NCOA1: variants seen among roughly 807,000 people sequenced by gnomAD.
NCOA1 encodes Hin-2 protein.
Under a neutral mutation model 150.9 loss-of-function variants are expected in NCOA1, and 35 were observed. The observed-to-expected ratio is 0.23, with a 90% CI of 0.18 to 0.31. NCOA1 has a LOEUF of 0.31. Ranked by LOEUF, NCOA1 falls within the 10% of genes least tolerant of loss-of-function variation. NCOA1 has a pLI of 1.00. For synonymous variants in NCOA1, 590 were observed against 630.0 expected (o/e 0.94, Z 0.95); for missense variants, 1,491 against 1,749.3 (o/e 0.85, Z 2.63).
intron 1 of NCOA1, among the ~76,000 whole-genome samples, chr2:24,559,268 G>A (rs943518606): frequency 1.3e-5 from 2 of 152,122 alleles, no homozygotes; most frequent in Non-Finnish European, 2.9e-5. Flanking sequence ...CAAGAGTTGA[G>A]CTGATTTTGG....
At chr2:24,660,323 A>G (rs181941268) in intron 5 of NCOA1, among the ~76,000 whole-genome samples, 67 of 152,122 alleles carry the variant, frequency 4.4e-4, no homozygotes, top group Non-Finnish European at 6.2e-4. Flanking sequence ...ATACAACAGA[A>G]TGTAATTGAT....
chr2:24,597,953 G>C (rs534452311), intron 3 of NCOA1, among the ~76,000 whole-genome samples: 3 of 151,902 alleles, frequency 2.0e-5, no homozygotes, highest in African/African-American at 7.2e-5. Flanking sequence ...AACAGGCCCC[G>C]GTGTGTGATG....
At chr2:24,651,724 G>T (rs2148478672) in intron 4 of NCOA1, among the ~76,000 whole-genome samples, 1 of 152,132 alleles carries the variant, frequency 6.6e-6, no homozygotes, top group Admixed American at 6.5e-5. Flanking sequence ...AGGCAAAGGA[G>T]CTGAATAGAC....
chr2:24,607,413 C>T (rs1031976472), intron 3 of NCOA1, among the ~76,000 whole-genome samples: 9 of 151,832 alleles, frequency 5.9e-5, no homozygotes, highest in African/African-American at 1.5e-4. Flanking sequence ...ATTGGCTGGG[C>T]GCACGGTGGC....
Position 24,576,152 on chromosome 2 carries a change from T to TTTTTTTG in NCOA1, c.-259-8318_-259-8317insGTTTTTT, listed in dbSNP as rs1558806417. 1.1e-3 allele frequency among the ~76,000 whole-genome samples: 107 copies of TTTTTTTG among 96,038 alleles called. 2 individuals carry two copies. Among genetic ancestry groups the TTTTTTTG allele is most frequent in the Non-Finnish European group, 1.7e-3 (77 of 46,472 alleles). The allele number at this position is 96,038 out of a possible 152,430, so 63.0% of individuals were successfully genotyped here. A position where few individuals can be genotyped will look rare whatever the true frequency, so the allele number is the denominator to read the frequency against. The stretch of plus-strand genomic sequence containing the variant: ...TTTCAGAAATTATTTGGCCTTTGTT[T>TTTTTTTG]TTTTTTTTTTGTTTTTTGTTTTTTT... On this transcript the variant is annotated intron_variant, in intron 2 of 22. Coordinates refer to ENST00000348332, the MANE Select transcript of NCOA1 (RefSeq NM_003743.5).
intron 1 of NCOA1, among the ~76,000 whole-genome samples, chr2:24,513,123 A>G (rs1664006418): frequency 6.6e-6 from 1 of 152,190 alleles, no homozygotes; most frequent in African/African-American, 2.4e-5. Context: ...GATAGGAAAT[A>G]TTTCAAACAT....
chr2:24,535,027 C>T (rs1015797024), intron 1 of NCOA1, among the ~76,000 whole-genome samples: 1 of 152,168 alleles, frequency 6.6e-6, no homozygotes, highest in African/African-American at 2.4e-5. Flanking sequence ...TCTTATTGAT[C>T]TGTCTAATAT....
At chr2:24,643,579 G>A (rs1670330609) in intron 3 of NCOA1, among the ~76,000 whole-genome samples, 1 of 152,054 alleles carries the variant, frequency 6.6e-6, no homozygotes, top group Non-Finnish European at 1.5e-5. Context: ...AATATTATAG[G>A]AGTATTACAT....
At position 24,665,752 on chromosome 2, in the gene NCOA1, G is replaced by A. The variant is rs185518589; in HGVS notation, c.93G>A (p.Thr31=). 87 of 1,556,196 alleles carry A rather than the reference G, an allele frequency of 5.6e-5. No homozygotes were observed. The Admixed American group carries it at 6.3e-4, about 11-fold the overall frequency. The change falls in exon 6 of 23, where the codon ACG becomes ACA. Residue 31 remains threonine, a synonymous_variant. Transcript: ENST00000348332. ...CTGGATTTTCTTTGTGTAACAGCACGGAAAAGAGGCGCAGGGAGCAAGAAA... is the reference window on the plus strand; with the variant it reads ...CTGGATTTTCTTTGTGTAACAGCACAGAAAAGAGGCGCAGGGAGCAAGAAA... ...GSPCDTLASS[T]EKRRREQENK...
chr2:24,539,967 TGA>T (rs1437421157), intron 1 of NCOA1, among the ~76,000 whole-genome samples: 2 of 152,160 alleles, frequency 1.3e-5, no homozygotes, highest in African/African-American at 4.8e-5. Flanking sequence ...CCTGAGTCTA[TGA>T]GAGTAGGAAG....
intron 2 of NCOA1, among the ~76,000 whole-genome samples, chr2:24,572,085 T>A (rs1666765418): frequency 6.6e-6 from 1 of 152,214 alleles, no homozygotes; most frequent in Admixed American, 6.5e-5. Context: ...TAGCACATAA[T>A]ATGTATCTAG....
intron 19 of NCOA1, among the ~76,000 whole-genome samples, chr2:24,742,560 G>A (rs1035174028): frequency 1.3e-5 from 2 of 151,524 alleles, no homozygotes; most frequent in Admixed American, 6.6e-5. Context: ...GGGCTTAAGC[G>A]ATTCTCCTGC....
intron 2 of NCOA1, among the ~76,000 whole-genome samples, chr2:24,582,773 G>A (rs1261282813): frequency 6.6e-6 from 1 of 152,076 alleles, no homozygotes; most frequent in African/African-American, 2.4e-5. Flanking sequence ...GACCAATGGA[G>A]CAGAAGAGAA....
chr2:24,762,245 A>G (rs1285609205), intron 21 of NCOA1, among the ~76,000 whole-genome samples: 3 of 152,138 alleles, frequency 2.0e-5, no homozygotes, highest in African/African-American at 7.2e-5. Flanking sequence ...TTTTTTTCAC[A>G]TATTTTGTCA....
intron 1 of NCOA1, among the ~76,000 whole-genome samples, chr2:24,494,547 G>C (rs756614292): frequency 2.6e-5 from 4 of 152,144 alleles, no homozygotes; most frequent in Admixed American, 6.5e-5. Flanking sequence ...AGATCCCCGG[G>C]ACGCTCATGA....
intron 14 of NCOA1, among the ~76,000 whole-genome samples, chr2:24,715,414 TA>T (rs1673976008): frequency 6.6e-6 from 1 of 152,206 alleles, no homozygotes; most frequent in African/African-American, 2.4e-5. Context: ...TACAAAATAG[TA>T]TAATATTTGA....
At chr2:24,704,976 A>C (rs911954570) in intron 11 of NCOA1, 110 bp from the exon 12 acceptor site, 1 of 1,095,632 alleles carries the variant, frequency 9.1e-7, no homozygotes, top group Non-Finnish European at 1.3e-6. Context: ...AGCAGGCAAC[A>C]GTTGGGAGGG....
intron 14 of NCOA1, among the ~76,000 whole-genome samples, chr2:24,712,587 ACT>A (rs1418129625): frequency 3.9e-5 from 6 of 152,284 alleles, no homozygotes; most frequent in African/African-American, 1.4e-4. Context: ...CTTGGAGGAA[ACT>A]CTGCAACTTG....
chr2:24,760,216 T>C (rs2148695468), intron 21 of NCOA1, among the ~76,000 whole-genome samples: 1 of 150,058 alleles, frequency 6.7e-6, no homozygotes, highest in African/African-American at 2.4e-5. Flanking sequence ...CTCAGCTCAC[T>C]GCAACCTCCA....
Sources: allele counts gnomAD v4.1 joint callset (sites outside exome capture counted in the v4.1 genomes callset), GRCh38; gene constraint gnomAD v4.1.1; transcripts MANE v1.5; gene names NCBI Gene and HGNC (gene_info 2026-07-23, HGNC 2026-07-21).